The following PCDHA4 variants were observed in gnomAD, a reference collection of about 807,000 sequenced individuals.
PCDHA4 encodes the protein protocadherin alpha 4.
A neutral mutation model predicts 61.4 loss-of-function variants in PCDHA4; 49 were observed. The ratio of observed to expected loss-of-function variants is 0.80; its 90% CI spans 0.63 to 1.01. The LOEUF is 1.01. PCDHA4 is among the 50% of genes least tolerant of loss of function. The pLI, the probability that PCDHA4 is intolerant of heterozygous loss-of-function variation, is 0.00. For missense variants in PCDHA4, 1,254 were observed against 1,235.8 expected, an observed-to-expected ratio of 1.01 and a Z score of -0.22; for synonymous variants, 590 against 550.3, an observed-to-expected ratio of 1.07 and a Z score of -1.01.
At chr5:140,821,828 T>G in intron 1 of PCDHA4, 1 of 1,614,176 alleles carries the variant, frequency 6.2e-7, no homozygotes, top group East Asian at 2.2e-5. Context: ...CTGCTCTGGC[T>G]TCTCCTTGCC....
intron 1 of PCDHA4, chr5:140,821,864 T>C: frequency 6.2e-7 from 1 of 1,614,208 alleles, no homozygotes; most frequent in South Asian, 1.1e-5. Context: ...AGCGGCCAGC[T>C]CCACTACTCG....
chr5:140,953,100 A>G (rs1343351624), intron 1 of PCDHA4, among the ~76,000 whole-genome samples: 1 of 152,162 alleles, frequency 6.6e-6, no homozygotes, highest in Admixed American at 6.5e-5. Flanking sequence ...TTGACATGAG[A>G]TTTGGGCAGG....
intron 3 of PCDHA4, among the ~76,000 whole-genome samples, chr5:140,996,177 C>T (rs1214472705): frequency 6.6e-6 from 1 of 152,226 alleles, no homozygotes; most frequent in Non-Finnish European, 1.5e-5. Flanking sequence ...GCTGACAGCA[C>T]CTCCATTTTA....
chr5:140,982,612 C>T, intron 3 of PCDHA4, 49 bp downstream of exon 3: 2 of 1,599,360 alleles, frequency 1.3e-6, no homozygotes, highest in Non-Finnish European at 1.7e-6. Context: ...GGAAAGTGAT[C>T]AGATGACCTA....
At chr5:140,972,500 T>C (rs1554234162) in intron 1 of PCDHA4, among the ~76,000 whole-genome samples, 1 of 152,108 alleles carries the variant, frequency 6.6e-6, no homozygotes, top group Non-Finnish European at 1.5e-5. Flanking sequence ...AATCTGTTGG[T>C]AGATTTTACC....
At chr5:140,869,922 C>T in intron 1 of PCDHA4, 1 of 1,611,202 alleles carries the variant, frequency 6.2e-7, no homozygotes, top group Non-Finnish European at 8.5e-7. Flanking sequence ...ACGAAGGAGT[C>T]AATGGAGAGG....
chr5:140,863,326 G>T (rs782427157), intron 1 of PCDHA4: 3 of 1,432,470 alleles, frequency 2.1e-6, no homozygotes, highest in Non-Finnish European at 2.9e-6. Context: ...CAGCCTGTTA[G>T]TGCTCACGTT....
intron 1 of PCDHA4, chr5:140,849,827 G>T (rs1554143366): frequency 6.3e-7 from 1 of 1,598,480 alleles, no homozygotes; most frequent in Non-Finnish European, 8.6e-7. Context: ...TGTCTGTGGA[G>T]GTGGCCGACG....
chr5:140,861,729 C>T (rs947423551), intron 1 of PCDHA4: 5 of 192,220 alleles, frequency 2.6e-5, no homozygotes, highest in Non-Finnish European at 5.3e-5. Context: ...GCTCTGATGA[C>T]TTACATACTG....
intron 1 of PCDHA4, chr5:140,967,421 C>T (rs2096138629): frequency 6.2e-7 from 1 of 1,613,120 alleles, no homozygotes; most frequent in Non-Finnish European, 8.5e-7. Context: ...AGACCGGGAG[C>T]AGGCAGCCTT....
chr5:140,870,957 C>T, intron 1 of PCDHA4: 1 of 1,613,704 alleles, frequency 6.2e-7, no homozygotes, highest in Non-Finnish European at 8.5e-7. Context: ...GCGGCTCGCG[C>T]ATCCCGTTCC....
chr5:140,882,450 C>T (rs781827745), intron 1 of PCDHA4: 2 of 1,613,990 alleles, frequency 1.2e-6, no homozygotes, highest in Non-Finnish European at 1.7e-6. Flanking sequence ...GAGCTGGTGC[C>T]GCGCCTGTTC....
At chr5:140,880,064 G>C (rs967410421) in intron 1 of PCDHA4, among the ~76,000 whole-genome samples, 2 of 152,148 alleles carry the variant, frequency 1.3e-5, no homozygotes, top group African/African-American at 2.4e-5. Context: ...ACTTTTTGGG[G>C]ACCACAATTC....
At chr5:140,830,215 C>T in intron 1 of PCDHA4, 18 of 1,613,852 alleles carry the variant, frequency 1.1e-5, no homozygotes, top group Non-Finnish European at 1.4e-5. Flanking sequence ...GCGCGGTATC[C>T]AGCCTGCTGG....
rs2150185526 is a variant in PCDHA4, at chr5:140,830,370, C to T, written c.2385+20798C>T. ...CAGCAGAGGCGGCAGAGGGTGTGCT[C>T]CGGGGAGGGCCCACCCAAGATGGAT... is the stretch of plus-strand genomic sequence containing the variant. On this transcript the variant is annotated intron_variant, in intron 1 of 3. Coordinates refer to ENST00000530339, the MANE Select transcript of PCDHA4 (RefSeq NM_018907.4). The T allele has an allele frequency of 1.6e-5, 26 of 1,614,014 alleles. No homozygotes were observed. In the East Asian group the frequency reaches 3.6e-4, roughly 22 times the overall value.
intron 1 of PCDHA4, among the ~76,000 whole-genome samples, chr5:140,890,015 T>C (rs553399283): frequency 2.8e-4 from 43 of 152,210 alleles, no homozygotes; most frequent in African/African-American, 1.0e-3. Flanking sequence ...GCCAGAAAAA[T>C]GTAGAAGGCT....
At chr5:140,836,112 G>A in intron 1 of PCDHA4, 2 of 1,613,758 alleles carry the variant, frequency 1.2e-6, no homozygotes, top group South Asian at 2.2e-5. Context: ...TGGTGGCGCA[G>A]TGAGAGAGCT....
intron 3 of PCDHA4, among the ~76,000 whole-genome samples, chr5:140,992,294 G>C (rs2097504138): frequency 1.3e-5 from 2 of 152,190 alleles, no homozygotes; most frequent in African/African-American, 4.8e-5. Context: ...CAAAGGATGG[G>C]AGTATTGTTT....
intron 1 of PCDHA4, chr5:140,867,827 C>A (rs1219513690): frequency 2.0e-5 from 3 of 152,066 alleles, no homozygotes; most frequent in Non-Finnish European, 4.4e-5. Context: ...TCCACAAGCA[C>A]TAAGGTAATT....
Sources: gnomAD v4.1 joint callset for allele counts (sites outside exome capture counted in the v4.1 genomes callset) on GRCh38, gnomAD v4.1.1 for gene constraint, MANE v1.5 for transcripts, NCBI Gene and HGNC (gene_info 2026-07-23, HGNC 2026-07-21) for gene names.